Variants in STAMBPL1 observed in about 807,000 individuals in gnomAD.
STAMBPL1 encodes AMSH-like protease.
In STAMBPL1, 44 loss-of-function variants were observed where a neutral mutation model predicts 52.9. The observed-to-expected ratio is 0.83, with a 90% confidence interval of 0.65 to 1.07. STAMBPL1 has a LOEUF of 1.07. STAMBPL1 is among the 50% of genes least tolerant of loss of function. The probability of loss-of-function intolerance (pLI) is 0.00; values close to 1 mark genes in which losing one functional copy is unlikely to be tolerated. For missense variants in STAMBPL1, 511 were observed against 520.8 expected, an observed-to-expected ratio of 0.98 and a Z score of 0.18; for synonymous variants, 164 against 177.3, an observed-to-expected ratio of 0.92 and a Z score of 0.60.
At chr10:88,914,453 G>T in intron 6 of STAMBPL1, 81 bp from the exon 7 acceptor site, 2 of 1,161,472 alleles carry the variant, frequency 1.7e-6, no homozygotes, top group Non-Finnish European at 1.1e-6. Flanking sequence ...ATGTCCAACT[G>T]CAACTGTTTG....
chr10:88,885,985 A>T (rs1464639737), intron 1 of STAMBPL1, among the ~76,000 whole-genome samples: 2 of 152,222 alleles, frequency 1.3e-5, no homozygotes, highest in Non-Finnish European at 2.9e-5. Context: ...TTGGTCTTGT[A>T]TAAAGTTGAA....
intron 3 of STAMBPL1, among the ~76,000 whole-genome samples, chr10:88,908,108 G>A (rs923393124): frequency 1.3e-5 from 2 of 152,210 alleles, no homozygotes; most frequent in African/African-American, 4.8e-5. Flanking sequence ...TGGAAGCGAT[G>A]CACCTGGTTT....
chr10:88,883,324 A>G (rs1483957877), intron 1 of STAMBPL1, among the ~76,000 whole-genome samples: 2 of 152,212 alleles, frequency 1.3e-5, no homozygotes, highest in Non-Finnish European at 2.9e-5. Context: ...TTGAAGAAAC[A>G]GTAACAAAAT....
rs143969043 is a variant in STAMBPL1, at chr10:88,918,167, G to A, written c.1041+1350G>A. Among the ~76,000 whole-genome samples, 13 of 152,150 alleles carry A rather than the reference G, an allele frequency of 8.5e-5. No homozygotes were observed. In the East Asian group the frequency reaches 2.3e-3, roughly 27 times the overall value. On this transcript the variant is annotated intron_variant, in intron 8 of 10. Transcript: ENST00000371926. ...GCCATCCCACTGAGATGGGATACTG[G>A]CCAAGAAAATTTCCAGGACACATTC... is the stretch of plus-strand genomic sequence containing the variant.
intron 4 of STAMBPL1, among the ~76,000 whole-genome samples, chr10:88,909,077 A>T (rs1347739370): frequency 6.6e-6 from 1 of 152,240 alleles, no homozygotes; most frequent in East Asian, 1.9e-4. Flanking sequence ...TATTTCTGCG[A>T]ACTTCTTTCA....
rs1844372934 is a variant in STAMBPL1, at chr10:88,880,483, G to C, written c.-209G>C. 1.3e-5 allele frequency: 2 copies of C among 152,256 alleles called. No individual in the cohort carries two copies. Among genetic ancestry groups the C allele is most frequent in the Admixed American group, 6.5e-5 (1 of 15,288 alleles). The allele number at this position is 152,256 out of a possible 1,614,324, so 9.4% of individuals were successfully genotyped here. On this transcript the variant is annotated 5_prime_UTR_variant, in exon 1 of 11. Coordinates refer to ENST00000371926, the MANE Select transcript of STAMBPL1 (RefSeq NM_020799.4). ...GAGGCAAACGAGCGGACGCCTCGTC[G>C]CCGGGTGCCGGTATCACCCCGCTGC... is the stretch of plus-strand genomic sequence containing the variant.
Position 88,914,669 on chromosome 10 carries a change from T to C in STAMBPL1, c.903+11T>C. 8.5e-7 allele frequency: 1 copy of C among 1,178,900 alleles called. No individual in the cohort carries two copies. Among genetic ancestry groups the C allele is most frequent in the Non-Finnish European group, 1.1e-6 (1 of 904,230 alleles). 73.0% of individuals were successfully genotyped at this position (1,178,900 alleles called of 1,614,324 possible). A position where few individuals can be genotyped will look rare whatever the true frequency, so the allele number is the denominator to read the frequency against. On this transcript the variant is annotated intron_variant, in intron 7 of 10. Coordinates refer to ENST00000371926, the MANE Select transcript of STAMBPL1 (RefSeq NM_020799.4). ...CTCTGTGGAAAACTGGTATGATCTT[T>C]TTATATAAATATATATATATATATA...
intron 3 of STAMBPL1, among the ~76,000 whole-genome samples, chr10:88,908,039 C>T (rs1416962662): frequency 6.6e-6 from 1 of 152,180 alleles, no homozygotes; most frequent in Non-Finnish European, 1.5e-5. Context: ...GCTGAGGATA[C>T]ATCAGTGCAT....
chr10:88,922,545 C>T, intron 10 of STAMBPL1, 109 bp downstream of exon 10: 4 of 935,288 alleles, frequency 4.3e-6, no homozygotes, highest in Non-Finnish European at 6.4e-6. Flanking sequence ...TACTGTACTG[C>T]TTAGTTTGGA....
At chr10:88,906,239 G>T (rs1431228620) in intron 3 of STAMBPL1, among the ~76,000 whole-genome samples, 1 of 152,204 alleles carries the variant, frequency 6.6e-6, no homozygotes. Flanking sequence ...CTGTCAAAAT[G>T]TTGAGTAAAA....
intron 5 of STAMBPL1, 119 bp from the exon 6 acceptor site, chr10:88,912,982 G>A (rs780363761): frequency 1.2e-6 from 1 of 830,948 alleles, no homozygotes; most frequent in African/African-American, 1.7e-5. Flanking sequence ...GAGTGTCCCT[G>A]TGGGCATATC....
At chr10:88,912,484 G>A (rs1036322442) in intron 5 of STAMBPL1, 2 of 152,184 alleles carry the variant, frequency 1.3e-5, no homozygotes, top group African/African-American at 2.4e-5. Flanking sequence ...CCATTTTTTA[G>A]TGATTCCTTC....
intron 10 of STAMBPL1, among the ~76,000 whole-genome samples, chr10:88,922,695 A>G (rs1195047576): frequency 6.6e-6 from 1 of 152,168 alleles, no homozygotes; most frequent in Non-Finnish European, 1.5e-5. Flanking sequence ...ATGTATATGT[A>G]TGATATTTAA....
intron 8 of STAMBPL1, among the ~76,000 whole-genome samples, chr10:88,917,746 G>A (rs1200666306): frequency 6.6e-6 from 1 of 152,084 alleles, no homozygotes; most frequent in Non-Finnish European, 1.5e-5. Context: ...ATGTCTTGGT[G>A]TGTTTTTGCT....
intron 1 of STAMBPL1, among the ~76,000 whole-genome samples, chr10:88,897,512 C>T (rs1401016961): frequency 6.6e-6 from 1 of 152,168 alleles, no homozygotes; most frequent in East Asian, 1.9e-4. Context: ...AGAGGTTAAA[C>T]AGATCACAAG....
In STAMBPL1 at chr10:88,905,489, C is replaced by G; in HGVS notation, c.77C>G (p.Pro26Arg). The G allele has an allele frequency of 6.2e-7, 1 of 1,614,108 alleles. No individual in the cohort carries two copies. The stretch of plus-strand genomic sequence containing the variant: ...GACCATACAGATGTTTCCCTAAGCC[C>G]AGAAGAGCGAGTCCGTGCCCTAAGC... Reference protein sequence around the residue: ...MPDHTDVSLSPEERVRALSKL... With the variant: ...MPDHTDVSLSREERVRALSKL... The change falls in exon 3 of 11, where the codon CCA becomes CGA. Residue 26 changes from proline to arginine, a missense_variant. By Grantham distance (103) the Pro-to-Arg change is moderately radical (BLOSUM62 -2). Around this residue, in one of 3 missense-constraint regions of STAMBPL1, gnomAD observed 358 missense variants for 343.5 expected, o/e 1.04. Transcript: ENST00000371926.
intron 8 of STAMBPL1, among the ~76,000 whole-genome samples, chr10:88,917,825 A>C (rs961194590): frequency 3.3e-5 from 5 of 152,054 alleles, no homozygotes; most frequent in Non-Finnish European, 7.4e-5. Context: ...GGTCTTGGAG[A>C]CTGGAAAGTC....
chr10:88,908,781 T>C lies in STAMBPL1; in HGVS notation c.324+4T>C. 6.2e-7 allele frequency: 1 copy of C among 1,602,160 alleles called. No individual in the cohort carries two copies. Among genetic ancestry groups the C allele is most frequent in the Non-Finnish European group, 8.5e-7 (1 of 1,175,480 alleles). On this transcript the variant is annotated splice_donor_region_variant and intron_variant, in intron 4 of 10. Transcript: ENST00000371926. Reference sequence around the variant, plus strand: ...TGAAAAGCAGGATATTATGAAGGTATTGTGGGTTTTCTTCTCCACTGTGGA... The same window carrying C: ...TGAAAAGCAGGATATTATGAAGGTACTGTGGGTTTTCTTCTCCACTGTGGA...
chr10:88,887,817 C>G (rs192450788), intron 1 of STAMBPL1, among the ~76,000 whole-genome samples: 203 of 152,300 alleles, frequency 1.3e-3, no homozygotes, highest in African/African-American at 4.7e-3. Context: ...CCACTGCACC[C>G]AACAGCCTTC....
Sources: allele counts gnomAD v4.1 joint callset (sites outside exome capture counted in the v4.1 genomes callset), GRCh38; gene constraint gnomAD v4.1.1; regional missense constraint gnomAD v4.1.1; transcripts MANE v1.5; gene names NCBI Gene and HGNC (gene_info 2026-07-23, HGNC 2026-07-21).